Variants in HIP1 observed in about 807,000 individuals in gnomAD.
HIP1 encodes huntingtin-interacting protein 1.
A neutral mutation model predicts 147.6 loss-of-function variants in HIP1; 65 were observed. The observed-to-expected ratio is 0.44, with a 90% confidence interval of 0.36 to 0.54. HIP1 has a LOEUF of 0.54. Among genes scored for constraint, HIP1 ranks in the 20% least tolerant of loss-of-function variants. HIP1 has a pLI of 0.00. For missense variants in HIP1, 1,061 were observed against 1,299.6 expected (o/e 0.82, Z 2.82); for synonymous variants, 479 against 504.0 (o/e 0.95, Z 0.67).
At chr7:75,554,306 C>T in intron 20 of HIP1, 86 bp from the exon 21 acceptor site, 2 of 1,320,986 alleles carry the variant, frequency 1.5e-6, no homozygotes, top group Non-Finnish European at 2.2e-6. Flanking sequence ...GAGTTGCCTA[C>T]ATGCCTTTCT....
chr7:75,546,962 T>C lies in HIP1; in HGVS notation c.2536A>G (p.Arg846Gly), dbSNP rs1395617578. 11 of 1,577,878 alleles carry C rather than the reference T, an allele frequency of 7.0e-6. No homozygotes were observed. Among genetic ancestry groups the C allele is most frequent in the Non-Finnish European group, 6.9e-6 (8 of 1,160,636 alleles). Residue 846 changes from arginine to glycine, a missense_variant, in exon 25 of 31, where the codon AGA becomes GGA. Arg to Gly is a moderately radical substitution (Grantham distance 125). Transcript: ENST00000336926. Reference sequence around the variant, plus strand: ...ACCCTGCCGCTCTCCACAATCTCTCTCTGGAGGTCCTTAGAGGCCACGATG... The same window carrying C: ...ACCCTGCCGCTCTCCACAATCTCTCCCTGGAGGTCCTTAGAGGCCACGATG... ...VLIVASKDLQ[R>G]EIVESGRGTA...
chr7:75,561,801 C>T (rs961283340), intron 12 of HIP1, among the ~76,000 whole-genome samples: 12 of 152,072 alleles, frequency 7.9e-5, no homozygotes, highest in Non-Finnish European at 1.6e-4. Context: ...TACCACCTGC[C>T]CAGCTAATTT....
intron 1 of HIP1, among the ~76,000 whole-genome samples, chr7:75,695,745 T>G (rs1800614979): frequency 6.6e-6 from 1 of 152,044 alleles, no homozygotes; most frequent in African/African-American, 2.4e-5. Context: ...CAGCTAATTT[T>G]TGTATTTTTA....
chr7:75,592,013 G>A, intron 4 of HIP1, 43 bp downstream of exon 4: 1 of 1,504,026 alleles, frequency 6.6e-7, no homozygotes, highest in Non-Finnish European at 9.3e-7. Flanking sequence ...TCTGAGGAAG[G>A]AAAGGAGAAG....
At chr7:75,583,921 C>T (rs1554499098) in intron 5 of HIP1, among the ~76,000 whole-genome samples, 1 of 150,668 alleles carries the variant, frequency 6.6e-6, no homozygotes, top group Non-Finnish European at 1.5e-5. Flanking sequence ...AGCCACCACG[C>T]CCAGCCAGAG....
intron 1 of HIP1, among the ~76,000 whole-genome samples, chr7:75,621,623 G>A (rs2117094027): frequency 6.6e-6 from 1 of 152,306 alleles, no homozygotes; most frequent in African/African-American, 2.4e-5. Context: ...CTGCTGTGCT[G>A]AGAACAGACT....
At chr7:75,731,257 CG>C (rs1377911171) in intron 1 of HIP1, among the ~76,000 whole-genome samples, 2 of 151,358 alleles carry the variant, frequency 1.3e-5, no homozygotes, top group Admixed American at 1.3e-4. Context: ...CCAAGGTGGG[CG>C]GATCACTTGA....
chr7:75,656,113 G>A (rs782810846), intron 1 of HIP1, among the ~76,000 whole-genome samples: 13 of 151,530 alleles, frequency 8.6e-5, no homozygotes, highest in African/African-American at 2.2e-4. Context: ...GCAAGACCCC[G>A]TCTCAAAAAG....
At chr7:75,648,177 T>TTGGAGTAGCTGAGGGCTGGA (rs1209719445) in intron 1 of HIP1, among the ~76,000 whole-genome samples, 6 of 152,034 alleles carry the variant, frequency 3.9e-5, no homozygotes, top group Admixed American at 1.3e-4. Flanking sequence ...CTGAGGCTGG[T>TTGGAGTAGCTGAGGGCTGGA]TGGAGTAGCT....
chr7:75,682,548 C>T (rs75875013), intron 1 of HIP1, among the ~76,000 whole-genome samples: 12,635 of 151,378 alleles, frequency 0.083, 639 homozygotes, highest in South Asian at 0.12. Flanking sequence ...GATTGAGCCA[C>T]GGTGCCTGGC....
chr7:75,646,677 A>T (rs1431506576), intron 1 of HIP1, among the ~76,000 whole-genome samples: 1 of 152,184 alleles, frequency 6.6e-6, no homozygotes, highest in Non-Finnish European at 1.5e-5. Flanking sequence ...TGGCACAGCA[A>T]GGGCTGAGAT....
chr7:75,684,453 A>G (rs1449606322), intron 1 of HIP1, among the ~76,000 whole-genome samples: 3 of 149,920 alleles, frequency 2.0e-5, no homozygotes, highest in Non-Finnish European at 4.4e-5. Flanking sequence ...GTCTCAAAAA[A>G]AAAAAAAAAA....
At chr7:75,676,613 C>T (rs1306821211) in intron 1 of HIP1, among the ~76,000 whole-genome samples, 1 of 151,638 alleles carries the variant, frequency 6.6e-6, no homozygotes, top group Non-Finnish European at 1.5e-5. Flanking sequence ...CCCGTCTCTA[C>T]TAAAAACACA....
intron 1 of HIP1, chr7:75,654,678 A>T (rs987439534): frequency 6.6e-6 from 1 of 152,344 alleles, no homozygotes; most frequent in Admixed American, 6.5e-5. Flanking sequence ...TCCTCCTCCG[A>T]GTATCTCCTC....
At chr7:75,693,641 G>A (rs4731728) in intron 1 of HIP1, among the ~76,000 whole-genome samples, 9,683 of 151,966 alleles carry the variant, frequency 0.064, 532 homozygotes, top group Admixed American at 0.18. Context: ...TTGGGAGGCC[G>A]AGGTGGAAGG....
intron 1 of HIP1, among the ~76,000 whole-genome samples, chr7:75,722,133 C>T (rs1801521140): frequency 6.6e-6 from 1 of 151,946 alleles, no homozygotes; most frequent in South Asian, 2.1e-4. Flanking sequence ...GTGAGACCCC[C>T]CCACGTCTCT....
In HIP1 at chr7:75,619,515, C is replaced by CAA. The variant is rs587631989; in HGVS notation, c.121-20270_121-20269dup. Among the ~76,000 whole-genome samples, 530 of 109,692 alleles carry CAA rather than the reference C, an allele frequency of 4.8e-3. 10 individuals are homozygous for CAA. Among genetic ancestry groups the CAA allele is most frequent in the African/African-American group, 0.017 (509 of 29,714 alleles). The allele number at this position is 109,692 out of a possible 152,430, so 72.0% of individuals were successfully genotyped here. On this transcript the variant is annotated intron_variant, in intron 1 of 30. Coordinates refer to ENST00000336926, the MANE Select transcript of HIP1 (RefSeq NM_005338.7). ...TGGGCGACAGAGCAAGACTTTGTCT[C>CAA]AAAAAAAAAAAAAAAAGAGAAGAAA... is the stretch of plus-strand genomic sequence containing the variant.
At chr7:75,557,019 ATTAT>A (rs3041772) in intron 16 of HIP1, among the ~76,000 whole-genome samples, 11,351 of 145,382 alleles carry the variant, frequency 0.078, 475 homozygotes, top group South Asian at 0.11. Context: ...AGGATTTTTT[ATTAT>A]TTATTTATTT....
chr7:75,647,290 C>T (rs544690848), intron 1 of HIP1, among the ~76,000 whole-genome samples: 11 of 145,060 alleles, frequency 7.6e-5, no homozygotes, highest in South Asian at 6.5e-4. Flanking sequence ...CCCAGCTACA[C>T]GGGAGACTGA....
Sources: gnomAD v4.1 joint callset for allele counts (sites outside exome capture counted in the v4.1 genomes callset) on GRCh38, gnomAD v4.1.1 for gene constraint, MANE v1.5 for transcripts, NCBI Gene and HGNC (gene_info 2026-07-23, HGNC 2026-07-21) for gene names.